ATP5F1A: variants seen among roughly 807,000 people sequenced by gnomAD.
ATP5F1A encodes ATP synthase F1 subunit alpha.
A neutral mutation model predicts 57.4 loss-of-function variants in ATP5F1A; 24 were observed. The ratio of observed to expected loss-of-function variants is 0.42; its 90% CI spans 0.30 to 0.59. The LOEUF is 0.59. ATP5F1A is among the 20% of genes least tolerant of loss of function. The pLI is 0.19. For synonymous variants in ATP5F1A, 251 were observed against 255.5 expected (o/e 0.98, Z 0.17); for missense variants, 494 against 707.9 (o/e 0.70, Z 3.43).
intron 2 of ATP5F1A, 55 bp from the exon 3 acceptor site, chr18:46,091,906 C>G: frequency 6.5e-7 from 1 of 1,545,992 alleles, no homozygotes; most frequent in Non-Finnish European, 8.8e-7. Flanking sequence ...GGCACAGTGG[C>G]TCACAGCTGT....
At chr18:46,094,586 G>C (rs1910806616) in intron 2 of ATP5F1A, 1 of 152,168 alleles carries the variant, frequency 6.6e-6, no homozygotes. Context: ...AGAATTGCTT[G>C]AACTCAGGAG....
chr18:46,084,466 A>T (rs372574926), intron 11 of ATP5F1A, 38 bp downstream of exon 11: 5 of 1,576,958 alleles, frequency 3.2e-6, no homozygotes, highest in Non-Finnish European at 4.3e-6. Context: ...TATCTTAAAC[A>T]TAACTTTAAA....
chr18:46,096,534 TGTAA>T (rs1258134099), intron 1 of ATP5F1A, among the ~76,000 whole-genome samples: 2 of 138,584 alleles, frequency 1.4e-5, no homozygotes, highest in Non-Finnish European at 3.1e-5. Flanking sequence ...GTTAACAAAA[TGTAA>T]GTGTCTTTCC....
chr18:46,093,976 G>A (rs910578403), intron 2 of ATP5F1A, among the ~76,000 whole-genome samples: 9 of 151,782 alleles, frequency 5.9e-5, no homozygotes, highest in African/African-American at 1.5e-4. Flanking sequence ...GTGTGGTGGT[G>A]GGCACCTGTA....
At chr18:46,102,823 C>T (rs1911319066), upstream of ATP5F1A, among the ~76,000 whole-genome samples, 2 of 152,052 alleles carry the variant, frequency 1.3e-5, no homozygotes, top group South Asian at 4.1e-4. Context: ...TGGTGCACGC[C>T]TATAGTCCCA....
chr18:46,082,390 A>C lies in ATP5F1A; in HGVS notation c.*1892T>G, dbSNP rs1909810917. ...GGGAGACAGTGAGACTCCGTCTCAA[A>C]AAAAAAAAAAAAAGGCCAGGTGTGG... is the stretch of plus-strand genomic sequence containing the variant. On this transcript the variant is annotated 3_prime_UTR_variant, in exon 12 of 12. Coordinates refer to ENST00000398752, the MANE Select transcript of ATP5F1A (RefSeq NM_004046.6). 3 of 56,942 alleles carry C rather than the reference A, an allele frequency of 5.3e-5. No homozygotes were observed. The highest frequency in any genetic ancestry group is 6.4e-4 in the South Asian group (1 of 1,560). 3.5% of individuals were successfully genotyped at this position (56,942 alleles called of 1,614,324 possible). A position where few individuals can be genotyped will look rare whatever the true frequency, so the allele number is the denominator to read the frequency against.
chr18:46,098,083 C>G, intron 1 of ATP5F1A, 89 bp downstream of exon 1: 1 of 1,476,536 alleles, frequency 6.8e-7, no homozygotes, highest in Non-Finnish European at 9.0e-7. Flanking sequence ...CACAGCCCCT[C>G]GCCCTCCTGC....
intron 10 of ATP5F1A, 154 bp from the exon 11 acceptor site, chr18:46,084,808 T>C: frequency 2.7e-6 from 2 of 733,882 alleles, no homozygotes; most frequent in Non-Finnish European, 4.1e-6. Context: ...CTCCACTTAA[T>C]AATCCTTCCT....
At position 46,098,177 on chromosome 18, in the gene ATP5F1A, C is replaced by T; in HGVS notation, c.55G>A (p.Gly19Arg). The change falls in exon 1 of 12, where the codon GGA becomes AGA. Residue 19 changes from glycine (G) to arginine (R), a missense_variant. Physicochemically the swap from Gly to Arg is moderately radical, Grantham distance 125. Coordinates refer to ENST00000398752, the MANE Select transcript of ATP5F1A (RefSeq NM_004046.6). ...AVVRALPRRAGLVSRNALGSS... is the reference protein window; with the variant it reads ...AVVRALPRRARLVSRNALGSS... ...TGCCGGCCTTCGGTGCTCACCAGTCCGGCCCGCCGAGGAAGGGCGCGGACC... is the reference window on the plus strand; with the variant it reads ...TGCCGGCCTTCGGTGCTCACCAGTCTGGCCCGCCGAGGAAGGGCGCGGACC... 1 of 1,604,206 alleles carries T rather than the reference C, an allele frequency of 6.2e-7. No individual in the cohort carries two copies. Among genetic ancestry groups the T allele is most frequent in the Non-Finnish European group, 8.5e-7 (1 of 1,178,448 alleles).
In ATP5F1A at chr18:46,084,598, G is replaced by A; in HGVS notation, c.1486C>T (p.Leu496Phe). Residue 496 changes from leucine to phenylalanine, a missense_variant, in exon 11 of 12, where the codon CTT becomes TTT. Coordinates refer to ENST00000398752, the MANE Select transcript of ATP5F1A (RefSeq NM_004046.6). ...AVIYAGVRGY[L>F]DKLEPSKITK... The stretch of plus-strand genomic sequence containing the variant: ...ATCTTGCTGGGCTCCAGTTTATCAA[G>A]ATATCCCCTTACACCCGCATAGATA... 2 of 1,612,344 alleles carry A rather than the reference G, an allele frequency of 1.2e-6. No homozygotes were observed. Among genetic ancestry groups the A allele is most frequent in the Non-Finnish European group, 1.7e-6 (2 of 1,179,662 alleles).
At chr18:46,084,883 T>C (rs1462522219) in intron 10 of ATP5F1A, 8 of 443,566 alleles carry the variant, frequency 1.8e-5, no homozygotes, top group African/African-American at 1.4e-4. Flanking sequence ...TCTTTCAGTA[T>C]AGTCCATAAG....
chr18:46,098,940 T>A (rs1911176455), upstream of ATP5F1A, among the ~76,000 whole-genome samples: 1 of 152,142 alleles, frequency 6.6e-6, no homozygotes, highest in Non-Finnish European at 1.5e-5. Context: ...TGTTTAAAAA[T>A]CCTGATAACC....
chr18:46,087,799 G>T (rs1249214926), intron 6 of ATP5F1A: 5 of 434,582 alleles, frequency 1.2e-5, no homozygotes, highest in Non-Finnish European at 2.0e-5. Context: ...AGAATCGCTT[G>T]AACCCAGGAG....
chr18:46,081,870 G>A lies in ATP5F1A; in HGVS notation c.*2412C>T, dbSNP rs1909772776. 2 of 151,856 alleles carry A rather than the reference G, an allele frequency of 1.3e-5. No individual in the cohort carries two copies. The highest frequency in any genetic ancestry group is 2.9e-5 in the Non-Finnish European group (2 of 67,970). The allele number at this position is 151,856 out of a possible 1,614,324, so 9.4% of individuals were successfully genotyped here. A position where few individuals can be genotyped will look rare whatever the true frequency, so the allele number is the denominator to read the frequency against. On this transcript the variant is annotated 3_prime_UTR_variant, in exon 12 of 12. Coordinates refer to ENST00000398752, the MANE Select transcript of ATP5F1A (RefSeq NM_004046.6). Reference sequence around the variant, plus strand: ...TGAAAAGGACTTATGAGTACTTTAAGAACTCTCCTTTTCCTACCAAAGATA... The same window carrying A: ...TGAAAAGGACTTATGAGTACTTTAAAAACTCTCCTTTTCCTACCAAAGATA...
At chr18:46,088,976 C>T (rs747289999) in intron 5 of ATP5F1A, among the ~76,000 whole-genome samples, 3 of 151,976 alleles carry the variant, frequency 2.0e-5, no homozygotes, top group Non-Finnish European at 4.4e-5. Flanking sequence ...ATCTGGCCTA[C>T]ATGCACATCA....
In ATP5F1A at chr18:46,086,168, T is replaced by C. The variant is rs147985450; in HGVS notation, c.1374A>G (p.Gln458=). ...QFGSDLDAAT[Q]QLLSRGVRLT... is the part of the protein sequence containing the mutation. ...GACGCACGCCACGACTCAAAAGTTG[T>C]TGAGTGGCAGCATCGAGGTCAGAAC... Residue 458 remains glutamine, a synonymous_variant, in exon 10 of 12, where the codon CAA becomes CAG. Transcript: ENST00000398752. 67 of 1,612,340 alleles carry C rather than the reference T, an allele frequency of 4.2e-5. No homozygotes were observed. The African/African-American group carries it at 6.7e-4, about 16-fold the overall frequency.
chr18:46,087,887 CA>C, intron 6 of ATP5F1A: 8 of 542,472 alleles, frequency 1.5e-5, no homozygotes, highest in South Asian at 5.1e-5. Context: ...TCTCAAACAA[CA>C]AAAAAAGAGT....
chr18:46,091,897 G>A (rs1054231217), intron 2 of ATP5F1A, 46 bp from the exon 3 acceptor site: 1 of 1,567,782 alleles, frequency 6.4e-7, no homozygotes, highest in Non-Finnish European at 8.7e-7. Flanking sequence ...TCTGGGCCAG[G>A]CACAGTGGCT....
At chr18:46,098,314 G>C, upstream of ATP5F1A, 1 of 1,488,746 alleles carries the variant, frequency 6.7e-7, no homozygotes, top group Non-Finnish European at 9.0e-7. Flanking sequence ...CGCAAAGAAG[G>C]TCAAGACAGC....
Sources: gnomAD v4.1 joint callset for allele counts (sites outside exome capture counted in the v4.1 genomes callset) on GRCh38, gnomAD v4.1.1 for gene constraint, MANE v1.5 for transcripts, NCBI Gene and HGNC (gene_info 2026-07-23, HGNC 2026-07-21) for gene names.